The following COX15 variants were observed in gnomAD, a reference collection of about 807,000 sequenced individuals.
The protein encoded by COX15 is cytochrome c oxidase assembly factor COX15.
Under a neutral mutation model 51.9 loss-of-function variants are expected in COX15, and 51 were observed. That is an observed-to-expected ratio of 0.98 (90% CI 0.78 to 1.24). The LOEUF (loss-of-function observed/expected upper bound fraction) is 1.24, where lower values mean the gene tolerates loss of function less well. Among genes scored for constraint, COX15 ranks in the 50% most tolerant of loss-of-function variants. The pLI, the probability that COX15 is intolerant of heterozygous loss-of-function variation, is 0.00. For synonymous variants in COX15, 188 were observed against 190.5 expected (o/e 0.99, Z 0.11); for missense variants, 420 against 501.1 (o/e 0.84, Z 1.55).
chr10:99,720,901 G>A (rs887195257), intron 6 of COX15, 86 bp downstream of exon 6: 1 of 968,502 alleles, frequency 1.0e-6, no homozygotes, highest in African/African-American at 1.6e-5. Context: ...ATATAAAGAT[G>A]CAGGAGGAAG....
At chr10:99,707,347 C>T (rs1396367543), downstream of COX15, among the ~76,000 whole-genome samples, 1 of 152,098 alleles carries the variant, frequency 6.6e-6, no homozygotes, top group Non-Finnish European at 1.5e-5. Flanking sequence ...TCTCTTCTCC[C>T]AATTAATAGA....
the COX15 span, among the ~76,000 whole-genome samples, chr10:99,695,799 G>T: frequency 1.9e-3 from 289 of 152,188 alleles, 1 homozygote; most frequent in Non-Finnish European, 3.4e-3. Context: ...TTGTCATTTT[G>T]TGTCTTTGTT....
the COX15 span, chr10:99,702,581 C>T: frequency 6.2e-7 from 1 of 1,613,276 alleles, no homozygotes; most frequent in Non-Finnish European, 8.5e-7. Flanking sequence ...CCTATGACTA[C>T]CCAAACCTGC....
chr10:99,714,541 A>G lies in COX15; in HGVS notation c.*46T>C, dbSNP rs775826954. 4 of 1,613,430 alleles carry G rather than the reference A, an allele frequency of 2.5e-6. No individual in the cohort carries two copies. The African/African-American group carries it at 4.0e-5, about 16-fold the overall frequency. ...GCCCAAGTTCTTATGATCTCTGAAG[A>G]GCTCTCAAAAGCAGTCACAGTCCCA... is the stretch of plus-strand genomic sequence containing the variant. On this transcript the variant is annotated 3_prime_UTR_variant, in exon 9 of 9. Coordinates refer to ENST00000016171, the MANE Select transcript of COX15 (RefSeq NM_078470.6).
At chr10:99,704,288 C>T in the COX15 span, among the ~76,000 whole-genome samples, 4 of 152,192 alleles carry the variant, frequency 2.6e-5, no homozygotes, top group East Asian at 1.9e-4. Flanking sequence ...GCTCCTGGGG[C>T]GGGGGATGTT....
At chr10:99,719,244 C>G (rs1209923110) in intron 6 of COX15, among the ~76,000 whole-genome samples, 1 of 151,578 alleles carries the variant, frequency 6.6e-6, no homozygotes, top group African/African-American at 2.4e-5. Context: ...TTTTGAGACG[C>G]AGTCTGGCTC....
At chr10:99,723,409 T>C (rs1214135414) in intron 5 of COX15, among the ~76,000 whole-genome samples, 1 of 152,142 alleles carries the variant, frequency 6.6e-6, no homozygotes, top group Non-Finnish European at 1.5e-5. Flanking sequence ...CCCAAAGTGC[T>C]GGGATTACAG....
chr10:99,720,864 A>G (rs1462881414), intron 6 of COX15, 123 bp downstream of exon 6: 3 of 785,632 alleles, frequency 3.8e-6, no homozygotes, highest in Non-Finnish European at 6.6e-6. Context: ...AAGATGGGGG[A>G]ATGAGAGAAA....
intron 8 of COX15, among the ~76,000 whole-genome samples, chr10:99,715,161 A>T (rs1388020200): frequency 6.6e-6 from 1 of 152,132 alleles, no homozygotes; most frequent in African/African-American, 2.4e-5. Flanking sequence ...GTTTTGAGAC[A>T]GAGTTTCACT....
the COX15 span, chr10:99,695,879 G>A: frequency 7.4e-6 from 10 of 1,357,620 alleles, no homozygotes; most frequent in South Asian, 2.9e-5. Context: ...ATGAAGCCTC[G>A]TGTATTAGCA....
downstream of COX15, chr10:99,709,935 T>C (rs1564641035): frequency 4.1e-6 from 4 of 985,444 alleles, no homozygotes; most frequent in Non-Finnish European, 4.8e-6. Context: ...AACTGAATCA[T>C]TACTCATACT....
At chr10:99,709,952 G>T (rs2036332060), downstream of COX15, 73 of 985,238 alleles carry the variant, frequency 7.4e-5, no homozygotes, top group Non-Finnish European at 8.6e-5. Context: ...TACTACAAGG[G>T]CTTTCACTTT....
At chr10:99,705,317 A>G in the COX15 span, 11 of 153,368 alleles carry the variant, frequency 7.2e-5, no homozygotes, top group African/African-American at 2.7e-4. Context: ...TAAAGGTTAG[A>G]ACCCCTTCTA....
At chr10:99,718,842 T>G (rs2036661892) in intron 6 of COX15, among the ~76,000 whole-genome samples, 1 of 152,174 alleles carries the variant, frequency 6.6e-6, no homozygotes, top group Non-Finnish European at 1.5e-5. Flanking sequence ...TGAGTGCTAC[T>G]GATTTATTTT....
Position 99,727,531 on chromosome 10 carries a change from C to T in COX15, c.305G>A (p.Trp102Ter), listed in dbSNP as rs778412019. The T allele has an allele frequency of 1.1e-5, 18 of 1,613,660 alleles. No individual in the cohort carries two copies. The Admixed American group carries it at 2.7e-4, about 24-fold the overall frequency. ...TGGCTTCATCTCCTTTATTAAATGC[C>T]AATCTACCATCGAGAGGCCAGACTC... ...LTESGLSMVD[W>*]HLIKEMKPPT... The change falls in exon 3 of 9, where the codon TGG (tryptophan) becomes TAG (stop). Residue 102 changes from tryptophan (W) to a stop codon, truncating the protein, a stop_gained. Transcript: ENST00000016171. LOFTEE classifies it high-confidence loss of function.
chr10:99,710,976 GTGA>G lies in COX15; in HGVS notation c.*3608_*3610del, dbSNP rs2036363783. 1.0e-6 allele frequency: 1 copy of G among 985,128 alleles called. No individual in the cohort carries two copies. The highest frequency in any genetic ancestry group is 1.2e-6 in the Non-Finnish European group (1 of 829,802). 61.0% of individuals were successfully genotyped at this position (985,128 alleles called of 1,614,324 possible). A position where few individuals can be genotyped will look rare whatever the true frequency, so the allele number is the denominator to read the frequency against. ...GAAATCTATTTAATCCTATAGGTAT[GTGA>G]TGACTTGTTTTTTTGGAAAAAGGTA... On this transcript the variant is annotated 3_prime_UTR_variant, in exon 9 of 9. Coordinates refer to ENST00000016171, the MANE Select transcript of COX15 (RefSeq NM_078470.6).
chr10:99,702,514 A>G, the COX15 span: 1 of 1,564,010 alleles, frequency 6.4e-7, no homozygotes, highest in East Asian at 2.3e-5. Context: ...TCACACAGAT[A>G]TCAGTGTTTT....
downstream of COX15, chr10:99,708,711 A>C (rs1480842695): frequency 1.2e-5 from 6 of 502,816 alleles, no homozygotes; most frequent in Admixed American, 3.8e-4. Context: ...AATCATAATA[A>C]ATTTCAGAAG....
the COX15 span, among the ~76,000 whole-genome samples, chr10:99,694,538 G>GTTTTTTTTT: frequency 4.5e-5 from 6 of 134,434 alleles, no homozygotes; most frequent in Admixed American, 7.7e-5. Context: ...AAGTTTTTTT[G>GTTTTTTTTT]TTTTTTTTTT....
Sources: gnomAD v4.1 joint callset for allele counts (sites outside exome capture counted in the v4.1 genomes callset) on GRCh38, gnomAD v4.1.1 for gene constraint, MANE v1.5 for transcripts, NCBI Gene and HGNC (gene_info 2026-07-23, HGNC 2026-07-21) for gene names.